The following IGSF10 variants were observed in gnomAD, a reference collection of about 807,000 sequenced individuals.
IGSF10 encodes the protein immunoglobulin superfamily member 10.
A neutral mutation model predicts 128.2 loss-of-function variants in IGSF10; 126 were observed. The ratio of observed to expected loss-of-function variants is 0.98; its 90% CI spans 0.85 to 1.14. The LOEUF (loss-of-function observed/expected upper bound fraction) is 1.14. Among genes scored for constraint, IGSF10 ranks in the 50% most tolerant of loss-of-function variants. The pLI, the probability that IGSF10 is intolerant of heterozygous loss-of-function variation, is 0.00. For synonymous variants in IGSF10, 1,185 were observed against 1,146.2 expected (o/e 1.03, Z -0.68); for missense variants, 3,295 against 3,149.8 (o/e 1.05, Z -1.10).
At chr3:151,532,474 C>T in the IGSF10 span, among the ~76,000 whole-genome samples, 1 of 152,132 alleles carries the variant, frequency 6.6e-6, no homozygotes, top group Non-Finnish European at 1.5e-5. Context: ...AAAAGCTTAT[C>T]CACCAAGATT....
the IGSF10 span, among the ~76,000 whole-genome samples, chr3:151,571,985 T>G: frequency 1.3e-5 from 2 of 152,154 alleles, no homozygotes; most frequent in South Asian, 4.1e-4. Context: ...AATCATGTGG[T>G]TTTTGTCTTT....
the IGSF10 span, among the ~76,000 whole-genome samples, chr3:151,601,957 A>T: frequency 6.6e-6 from 1 of 152,184 alleles, no homozygotes; most frequent in Admixed American, 6.5e-5. Flanking sequence ...CTTTTTGGGA[A>T]ATCTGAGATG....
the IGSF10 span, among the ~76,000 whole-genome samples, chr3:151,496,481 A>G: frequency 7.0e-6 from 1 of 143,062 alleles, no homozygotes; most frequent in South Asian, 2.4e-4. Flanking sequence ...TTTGCTGAGA[A>G]TGATGGTTTC....
At position 151,445,061 on chromosome 3, in the gene IGSF10, CAA is replaced by C. The variant is rs763665080; in HGVS notation, c.4918_4919del (p.Leu1640ValfsTer2). The C allele has an allele frequency of 3.1e-6, 5 of 1,614,182 alleles. No homozygotes were observed. The highest frequency in any genetic ancestry group is 3.4e-6 in the Non-Finnish European group (4 of 1,180,030). On this transcript the variant is annotated frameshift_variant, in exon 6 of 8. Coordinates refer to ENST00000282466, the MANE Select transcript of IGSF10 (RefSeq NM_178822.5). LOFTEE classifies it high-confidence loss of function. ...TTSKLLPFDS[L>X]SRYIFEKPRI... is the part of the protein sequence containing the mutation. The stretch of plus-strand genomic sequence containing the variant: ...TGGGCTTTTCAAATATATACCTAGA[CAA>C]AGAGTCAAAGGGAAGGAGTTTGGAA...
chr3:151,434,507 C>T (rs959492171), downstream of IGSF10: 4 of 93,484 alleles, frequency 4.3e-5, no homozygotes, highest in African/African-American at 1.6e-4. Flanking sequence ...AATTAATAGT[C>T]TATCTGCTTT....
chr3:151,551,987 C>T, the IGSF10 span, among the ~76,000 whole-genome samples: 1 of 152,142 alleles, frequency 6.6e-6, no homozygotes, highest in South Asian at 2.1e-4. Context: ...TGGTTTGGCT[C>T]TATGTCCCCA....
the IGSF10 span, among the ~76,000 whole-genome samples, chr3:151,619,702 A>G: frequency 6.6e-6 from 1 of 152,144 alleles, no homozygotes; most frequent in Non-Finnish European, 1.5e-5. Context: ...CCACTGCGGC[A>G]GGGTTGAGAG....
chr3:151,551,662 T>TACACACACAC, the IGSF10 span, among the ~76,000 whole-genome samples: 1 of 145,386 alleles, frequency 6.9e-6, no homozygotes, highest in African/African-American at 2.5e-5. Context: ...ACATGGGCAT[T>TACACACACAC]ACACACACAC....
the IGSF10 span, among the ~76,000 whole-genome samples, chr3:151,552,060 G>T: frequency 3.3e-5 from 5 of 152,238 alleles, no homozygotes; most frequent in South Asian, 1.0e-3. Flanking sequence ...GGAGGTGATT[G>T]GGTCACGGGG....
chr3:151,556,864 CT>C, the IGSF10 span, among the ~76,000 whole-genome samples: 2,407 of 152,264 alleles, frequency 0.016, 20 homozygotes, highest in South Asian at 0.057. Flanking sequence ...ACCATTCGTT[CT>C]GTCTATAACA....
chr3:151,487,628 C>T, the IGSF10 span, among the ~76,000 whole-genome samples: 4 of 152,304 alleles, frequency 2.6e-5, no homozygotes, highest in Non-Finnish European at 1.5e-5. Flanking sequence ...AAAAGCTTAT[C>T]CACCATGATC....
chr3:151,525,002 CTTTTTTT>C, the IGSF10 span, among the ~76,000 whole-genome samples: 4 of 49,692 alleles, frequency 8.0e-5, no homozygotes, highest in Non-Finnish European at 1.0e-4. Flanking sequence ...TGCATTACAC[CTTTTTTT>C]TTTTTTTTTT....
At chr3:151,538,129 C>T in the IGSF10 span, among the ~76,000 whole-genome samples, 1 of 152,070 alleles carries the variant, frequency 6.6e-6, no homozygotes, top group African/African-American at 2.4e-5. Context: ...TCAGAAGGAC[C>T]TACTAATTGT....
At chr3:151,605,334 T>C in the IGSF10 span, among the ~76,000 whole-genome samples, 2 of 152,204 alleles carry the variant, frequency 1.3e-5, no homozygotes, top group Non-Finnish European at 2.9e-5. Flanking sequence ...TATCTGTGGA[T>C]GTTTCTTAAG....
At chr3:151,484,729 C>A in the IGSF10 span, among the ~76,000 whole-genome samples, 789 of 131,294 alleles carry the variant, frequency 6.0e-3, no homozygotes, top group Middle Eastern at 8.1e-3. Context: ...GGAAAACTGA[C>A]AAAAAAAAAA....
chr3:151,437,816 CT>C lies in IGSF10; in HGVS notation c.6744del (p.Ala2249ProfsTer4). 1.2e-6 allele frequency: 2 copies of C among 1,613,920 alleles called. No homozygotes were observed. Among genetic ancestry groups the C allele is most frequent in the South Asian group, 1.1e-5 (1 of 91,078 alleles). On this transcript the variant is annotated frameshift_variant, in exon 8 of 8. Transcript: ENST00000282466. LOFTEE classifies it low-confidence loss of function (END_TRUNC). ...TTTTTGGAATGTCTCACAGCTGTGG[CT>C]TTAATAACAGTTCTGTTTGTATACA... ...NGLYTNRTVI[K>X]ATAVRHSKKH...
chr3:151,504,067 A>G, the IGSF10 span, among the ~76,000 whole-genome samples: 2 of 152,090 alleles, frequency 1.3e-5, no homozygotes, highest in Admixed American at 1.3e-4. Flanking sequence ...CAAAACCATA[A>G]TTTCTAATCT....
chr3:151,565,323 C>T, the IGSF10 span, among the ~76,000 whole-genome samples: 487 of 152,096 alleles, frequency 3.2e-3, no homozygotes, highest in Non-Finnish European at 5.9e-3. Context: ...CATATTTCAC[C>T]CATTTGTAAA....
chr3:151,613,610 C>T, the IGSF10 span, among the ~76,000 whole-genome samples: 2 of 151,820 alleles, frequency 1.3e-5, no homozygotes, highest in Admixed American at 6.6e-5. Flanking sequence ...GCTGGGAAAA[C>T]TGGCTAGCCA....
Sources: gnomAD v4.1 joint callset for allele counts (sites outside exome capture counted in the v4.1 genomes callset) on GRCh38, gnomAD v4.1.1 for gene constraint, MANE v1.5 for transcripts, NCBI Gene and HGNC (gene_info 2026-07-23, HGNC 2026-07-21) for gene names.